CA6: variants seen among roughly 807,000 people sequenced by gnomAD.
The protein encoded by CA6 is carbonate dehydratase VI.
CA6 carries 28 observed loss-of-function variants against 35.9 expected under a neutral mutation model. The ratio of observed to expected loss-of-function variants is 0.78; its 90% CI spans 0.58 to 1.07. The LOEUF (loss-of-function observed/expected upper bound fraction) is 1.07. Among genes scored for constraint, CA6 ranks in the 50% least tolerant of loss-of-function variants. CA6 has a pLI of 0.00. For synonymous variants in CA6, 148 were observed against 152.6 expected, an observed-to-expected ratio of 0.97 and a Z score of 0.22; for missense variants, 377 against 382.0, an observed-to-expected ratio of 0.99 and a Z score of 0.11.
chr1:8,969,308 C>T (rs1640049851), intron 6 of CA6, among the ~76,000 whole-genome samples: 1 of 152,020 alleles, frequency 6.6e-6, no homozygotes, highest in South Asian at 2.1e-4. Flanking sequence ...GGGCAAGACT[C>T]CATCTCAAAA....
intron 2 of CA6, among the ~76,000 whole-genome samples, chr1:8,950,184 T>C (rs911240609): frequency 4.6e-5 from 7 of 152,012 alleles, no homozygotes; most frequent in African/African-American, 1.7e-4. Context: ...GGTTTCACCA[T>C]GTTGGCCAGG....
chr1:8,957,641 G>A (rs1469475587), intron 3 of CA6, among the ~76,000 whole-genome samples: 3 of 148,490 alleles, frequency 2.0e-5, no homozygotes, highest in East Asian at 2.2e-4. Context: ...GTGCCCAGCC[G>A]TCACTTTTCT....
Position 8,962,646 on chromosome 1 carries a change from C to T in CA6, c.561C>T (p.Ile187=). The change falls in exon 5 of 8, where the codon ATC becomes ATT. Residue 187 remains isoleucine (I), a synonymous_variant. Coordinates refer to ENST00000377443, the MANE Select transcript of CA6 (RefSeq NM_001215.4). ...ACTTCATTTCTCATCTGGCCAACAT[C>T]AAGTACCCAGGTAAGGGAAGCCAAC... is the stretch of plus-strand genomic sequence containing the variant. ...YSNFISHLAN[I]KYPGQRTTLT... 1 of 1,613,610 alleles carries T rather than the reference C, an allele frequency of 6.2e-7. No homozygotes were observed. Among genetic ancestry groups the T allele is most frequent in the Non-Finnish European group, 8.5e-7 (1 of 1,179,566 alleles).
chr1:8,962,189 C>T (rs1557628074), intron 4 of CA6, among the ~76,000 whole-genome samples: 1 of 151,492 alleles, frequency 6.6e-6, no homozygotes, highest in African/African-American at 2.4e-5. Flanking sequence ...TTGCAGTGAG[C>T]CGAGATTATG....
intron 2 of CA6, among the ~76,000 whole-genome samples, chr1:8,954,311 T>C (rs950179272): frequency 6.6e-6 from 1 of 152,100 alleles, no homozygotes; most frequent in African/African-American, 2.4e-5. Context: ...TTTACAGGCA[T>C]GCACCACCAT....
chr1:8,962,614 T>TA lies in CA6; in HGVS notation c.530dup (p.Tyr177Ter). 1 of 1,613,970 alleles carries TA rather than the reference T, an allele frequency of 6.2e-7. No individual in the cohort carries two copies. Among genetic ancestry groups the TA allele is most frequent in the East Asian group, 2.2e-5 (1 of 44,882 alleles). Reference sequence around the variant, plus strand: ...GAAGAATTACCCTGAAAACACTTATTACAGCAACTTCATTTCTCATCTGGC... The same window carrying TA: ...GAAGAATTACCCTGAAAACACTTATTAACAGCAACTTCATTTCTCATCTGGC... Reference protein sequence around the residue: ...EVKNYPENTYYSNFISHLANI... With the variant: ...EVKNYPENTY Residue 177 changes from tyrosine to a stop codon, truncating the protein, a stop_gained and frameshift_variant, in exon 5 of 8, where the codon TAC becomes TAAC. Transcript: ENST00000377443. LOFTEE classifies it high-confidence loss of function.
intron 4 of CA6, 51 bp downstream of exon 4, chr1:8,959,053 TCCAAA>T: frequency 9.2e-7 from 1 of 1,082,962 alleles, no homozygotes; most frequent in Non-Finnish European, 1.4e-6. Context: ...TAGGTTGATG[TCCAAA>T]CAAGGTGTGA....
In CA6 at chr1:8,959,007, G is replaced by A; in HGVS notation, c.501+5G>A. 6.4e-7 allele frequency: 1 copy of A among 1,569,808 alleles called. No homozygotes were observed. The highest frequency in any genetic ancestry group is 8.8e-7 in the Non-Finnish European group (1 of 1,139,894). ...GTACTGGCAGCCTTCGTTGAGGTAA[G>A]CAGAAACTACCCATGTGTGTCTGTA... On this transcript the variant is annotated splice_donor_5th_base_variant and intron_variant, in intron 4 of 7. Transcript: ENST00000377443.
intron 3 of CA6, 55 bp downstream of exon 3, chr1:8,957,340 CT>C: frequency 2.0e-6 from 3 of 1,511,068 alleles, no homozygotes; most frequent in Non-Finnish European, 2.7e-6. Flanking sequence ...AGTCACTTTT[CT>C]TTTTATTTAT....
Position 8,957,268 on chromosome 1 carries a change from A to T in CA6, c.391A>T (p.Ile131Phe), listed in dbSNP as rs374670090. The change falls in exon 3 of 8, where the codon ATC (isoleucine) becomes TTC (phenylalanine). Residue 131 changes from isoleucine (I) to phenylalanine (F), a missense_variant. Physicochemically the swap from Ile to Phe is conservative, Grantham distance 21. Transcript: ENST00000377443. ...CGGCTCTGAGCACACCGTGGACGGG[A>T]TCAGACATGTGATCGAGGTACCTGA... ...ISGSEHTVDG[I>F]RHVIEIHIVH... 105 of 1,613,088 alleles carry T rather than the reference A, an allele frequency of 6.5e-5. No individual in the cohort carries two copies. Among genetic ancestry groups the T allele is most frequent in the Admixed American group, 5.9e-4 (35 of 59,820 alleles).
chr1:8,972,300 CT>C (rs1640129722), intron 7 of CA6, among the ~76,000 whole-genome samples: 1 of 152,196 alleles, frequency 6.6e-6, no homozygotes, highest in Non-Finnish European at 1.5e-5. Flanking sequence ...ATCCTCCCCC[CT>C]CAGCCTCCCA....
Position 8,945,890 on chromosome 1 carries a change from A to G in CA6, c.4A>G (p.Arg2Gly). M[R>G]ALVLLLSLFL... ...TTCATTACAGATGTGCAGCACCATG[A>G]GGGCCCTGGTGCTTCTGCTGTCCCT... The change falls in exon 1 of 8, where the codon AGG becomes GGG. Residue 2 changes from arginine to glycine, a missense_variant. Arg to Gly is a moderately radical substitution (Grantham distance 125). Transcript: ENST00000377443. 1 of 1,606,752 alleles carries G rather than the reference A, an allele frequency of 6.2e-7. No individual in the cohort carries two copies. Among genetic ancestry groups the G allele is most frequent in the Non-Finnish European group, 8.5e-7 (1 of 1,173,446 alleles).
At position 8,958,972 on chromosome 1, in the gene CA6, T is replaced by C; in HGVS notation, c.471T>C (p.Asp157=). ...ATGATATAGCCCAAGATGCGCCGGATGGTTTGGCTGTACTGGCAGCCTTCG... is the reference window on the plus strand; with the variant it reads ...ATGATATAGCCCAAGATGCGCCGGACGGTTTGGCTGTACTGGCAGCCTTCG... ...KSYDIAQDAP[D]GLAVLAAFVE... is the part of the protein sequence containing the mutation. The change falls in exon 4 of 8, where the codon GAT becomes GAC. Residue 157 remains aspartate (D), a synonymous_variant. Coordinates refer to ENST00000377443, the MANE Select transcript of CA6 (RefSeq NM_001215.4). The C allele has an allele frequency of 5.0e-6, 8 of 1,612,790 alleles. No individual in the cohort carries two copies. The highest frequency in any genetic ancestry group is 1.1e-5 in the South Asian group (1 of 90,958).
In CA6 at chr1:8,949,327, G is replaced by A. The variant is rs371134339; in HGVS notation, c.144G>A (p.Ser48=). 10 of 1,613,174 alleles carry A rather than the reference G, an allele frequency of 6.2e-6. No homozygotes were observed. The highest frequency in any genetic ancestry group is 2.7e-5 in the African/African-American group (2 of 74,806). ...HYPACGGQRQ[S]PINLQRTKVR... ...CCGCCTGTGGGGGCCAGAGACAGTC[G>A]CCTATCAACCTACAGAGGACGAAGG... is the stretch of plus-strand genomic sequence containing the variant. The change falls in exon 2 of 8, where the codon TCG becomes TCA. Residue 48 remains serine, a synonymous_variant. Transcript: ENST00000377443.
At chr1:8,969,830 TA>T (rs1447701717) in intron 6 of CA6, among the ~76,000 whole-genome samples, 7 of 152,076 alleles carry the variant, frequency 4.6e-5, no homozygotes, top group African/African-American at 1.4e-4. Context: ...AGTGGAAACA[TA>T]ATTTCAAAGT....
In CA6 at chr1:8,974,764, C is replaced by A. The variant is rs1640223509; in HGVS notation, c.*60C>A. On this transcript the variant is annotated 3_prime_UTR_variant, in exon 8 of 8. Transcript: ENST00000377443. ...TTGAAGCCTGACCTAGCCAGAAGTG[C>A]CTGTCCGCTGCAGCCGCACCCTACC... 1.3e-6 allele frequency: 1 copy of A among 742,200 alleles called. No individual in the cohort carries two copies. Among genetic ancestry groups the A allele is most frequent in the Non-Finnish European group, 2.1e-6 (1 of 484,988 alleles). The allele number at this position is 742,200 out of a possible 1,614,324, so 46.0% of individuals were successfully genotyped here.
chr1:8,950,925 A>T (rs11576766), intron 2 of CA6, among the ~76,000 whole-genome samples: 4 of 151,974 alleles, frequency 2.6e-5, no homozygotes, highest in Non-Finnish European at 4.4e-5. Context: ...CAATCAAGAA[A>T]ATAAAACCAG....
chr1:8,961,977 C>T (rs1000460832), intron 4 of CA6, among the ~76,000 whole-genome samples: 1 of 152,244 alleles, frequency 6.6e-6, no homozygotes. Flanking sequence ...CGGTGGCTCA[C>T]GCCTGTAATC....
At chr1:8,974,339 C>A in intron 7 of CA6, 2 of 1,471,776 alleles carry the variant, frequency 1.4e-6, no homozygotes, top group Non-Finnish European at 1.8e-6. Context: ...ACGCCTATAT[C>A]CCCTCAGGCA....
Sources: allele counts gnomAD v4.1 joint callset (sites outside exome capture counted in the v4.1 genomes callset), GRCh38; gene constraint gnomAD v4.1.1; transcripts MANE v1.5; gene names NCBI Gene and HGNC (gene_info 2026-07-23, HGNC 2026-07-21).